ASCC1: variants seen among roughly 807,000 people sequenced by gnomAD.
The protein encoded by ASCC1 is ASC-1 complex subunit P50.
ASCC1 carries 35 observed loss-of-function variants against 46.6 expected under a neutral mutation model. The ratio of observed to expected loss-of-function variants is 0.75; its 90% CI spans 0.57 to 0.99. The LOEUF is 0.99. Ranked by LOEUF, ASCC1 falls within the 50% of genes least tolerant of loss-of-function variation. The pLI is 0.00. For synonymous variants in ASCC1, 143 were observed against 146.6 expected (o/e 0.98, Z 0.18); for missense variants, 376 against 428.7 (o/e 0.88, Z 1.09).
chr10:72,156,278 T>C (rs538588874), intron 6 of ASCC1, among the ~76,000 whole-genome samples: 1 of 152,218 alleles, frequency 6.6e-6, no homozygotes, highest in African/African-American at 2.4e-5. Context: ...CCTTCTGCCA[T>C]AATTGAAGCT....
At position 72,204,476 on chromosome 10, in the gene ASCC1, C is replaced by T. The variant is rs1395968417; in HGVS notation, c.213-952G>A. ...ATCCAAAGTTATCTTCTGGAACCCACAGTCGTTTGATGTGTTCAAGTGAAT... is the reference window on the plus strand; with the variant it reads ...ATCCAAAGTTATCTTCTGGAACCCATAGTCGTTTGATGTGTTCAAGTGAAT... On this transcript the variant is annotated intron_variant, in intron 3 of 9. Coordinates refer to ENST00000672957, the MANE Select transcript of ASCC1 (RefSeq NM_001198800.3). 6.5e-6 allele frequency: 10 copies of T among 1,550,378 alleles called. No individual in the cohort carries two copies. In the Admixed American group the frequency reaches 7.8e-5, roughly 12 times the overall value.
intron 9 of ASCC1, chr10:72,102,495 T>C: frequency 8.9e-7 from 1 of 1,124,806 alleles, no homozygotes; most frequent in Non-Finnish European, 1.3e-6. Flanking sequence ...GTTCTTTTTA[T>C]ACTAGGGAAA....
Position 72,172,801 on chromosome 10 carries a change from AT to A in ASCC1, c.490-11128del, listed in dbSNP as rs1396989082. On this transcript the variant is annotated intron_variant, in intron 5 of 9. Coordinates refer to ENST00000672957, the MANE Select transcript of ASCC1 (RefSeq NM_001198800.3). ...TTTTATATTATATATTATATATTATATTTTTATATTATATATAATATATATT... is the reference window on the plus strand; with the variant it reads ...TTTTATATTATATATTATATATTATATTTTATATTATATATAATATATATT... Among the ~76,000 whole-genome samples, 16 of 132,552 alleles carry A rather than the reference AT, an allele frequency of 1.2e-4. 1 individual carries two copies. The East Asian group carries it at 2.0e-3, about 17-fold the overall frequency. The allele number at this position is 132,552 out of a possible 152,430, so 87.0% of individuals were successfully genotyped here. A position where few individuals can be genotyped will look rare whatever the true frequency, so the allele number is the denominator to read the frequency against.
intron 7 of ASCC1, among the ~76,000 whole-genome samples, chr10:72,149,470 G>C (rs1180057755): frequency 5.1e-5 from 7 of 137,500 alleles, no homozygotes; most frequent in Non-Finnish European, 7.7e-5. Context: ...AAAAAGTGTT[G>C]TTGTGTTATT....
intron 9 of ASCC1, among the ~76,000 whole-genome samples, chr10:72,118,062 C>CA (rs1196572267): frequency 6.6e-6 from 1 of 152,052 alleles, no homozygotes; most frequent in Non-Finnish European, 1.5e-5. Flanking sequence ...AAAGAAGAGC[C>CA]AAGTGACTAA....
rs147623550 is a variant in ASCC1, at chr10:72,163,750, T to G, written c.490-2076A>C. 6.1e-3 allele frequency among the ~76,000 whole-genome samples: 931 copies of G among 151,528 alleles called. 6 individuals are homozygous for G. Among genetic ancestry groups the G allele is most frequent in the African/African-American group, 0.021 (859 of 41,296 alleles). On this transcript the variant is annotated intron_variant, in intron 5 of 9. Coordinates refer to ENST00000672957, the MANE Select transcript of ASCC1 (RefSeq NM_001198800.3). The stretch of plus-strand genomic sequence containing the variant: ...ACTCACTCTGTCTCCAAAAAAAAAT[T>G]TTGGCTCTGGGAAGCACAAAAAGTA...
intron 9 of ASCC1, among the ~76,000 whole-genome samples, chr10:72,120,992 A>G (rs1844131086): frequency 6.6e-6 from 1 of 152,232 alleles, no homozygotes; most frequent in African/African-American, 2.4e-5. Context: ...AAACAGTAAC[A>G]TATATAATAA....
chr10:72,181,810 C>T lies in ASCC1; in HGVS notation c.489+15001G>A, dbSNP rs570722628. Among the ~76,000 whole-genome samples the T allele has an allele frequency of 3.3e-5, 5 of 152,060 alleles. 1 individual carries two copies. Among genetic ancestry groups the T allele is most frequent in the East Asian group, 1.9e-4 (1 of 5,156 alleles). ...AAGCGATTCTTGTGCCTCAGCCTCC[C>T]GAGTACCTGGGATTATAAACGTGTG... On this transcript the variant is annotated intron_variant, in intron 5 of 9. Coordinates refer to ENST00000672957, the MANE Select transcript of ASCC1 (RefSeq NM_001198800.3).
intron 5 of ASCC1, among the ~76,000 whole-genome samples, chr10:72,191,238 TGTA>T (rs1432844359): frequency 1.8e-4 from 26 of 145,652 alleles, no homozygotes; most frequent in African/African-American, 6.1e-4. Flanking sequence ...TTTTTTTTTT[TGTA>T]TTTTTAGTAG....
At chr10:72,131,147 G>A (rs375165076) in intron 8 of ASCC1, among the ~76,000 whole-genome samples, 4 of 152,126 alleles carry the variant, frequency 2.6e-5, no homozygotes, top group Non-Finnish European at 5.9e-5. Flanking sequence ...TGGGCCGGGC[G>A]CAGTGGCTCA....
chr10:72,210,304 T>C (rs1464824688), intron 3 of ASCC1, among the ~76,000 whole-genome samples: 1 of 151,956 alleles, frequency 6.6e-6, no homozygotes, highest in Admixed American at 6.6e-5. Flanking sequence ...GGATTACAGA[T>C]GCCTGCCACC....
chr10:72,198,529 T>C (rs1855988119), intron 4 of ASCC1: 1 of 455,516 alleles, frequency 2.2e-6, no homozygotes, highest in Non-Finnish European at 4.4e-6. Context: ...CTAGGCAATT[T>C]ACTGAAACTC....
At chr10:72,133,274 G>A in intron 7 of ASCC1, 93 bp from the exon 8 acceptor site, 1 of 1,308,766 alleles carries the variant, frequency 7.6e-7, no homozygotes, top group Non-Finnish European at 1.1e-6. Flanking sequence ...CATGTGCTCT[G>A]TGCTAATCAC....
intron 5 of ASCC1, among the ~76,000 whole-genome samples, chr10:72,162,529 G>C (rs1373625823): frequency 6.6e-6 from 1 of 151,958 alleles, no homozygotes; most frequent in Non-Finnish European, 1.5e-5. Flanking sequence ...GACTGCAGTG[G>C]TGCAGTCACA....
At chr10:72,135,087 G>A (rs144616350) in intron 7 of ASCC1, among the ~76,000 whole-genome samples, 1 of 152,316 alleles carries the variant, frequency 6.6e-6, no homozygotes, top group African/African-American at 2.4e-5. Context: ...TGTTTTCAAT[G>A]AGGAGAAAAA....
chr10:72,146,379 G>A (rs534299344), intron 7 of ASCC1, among the ~76,000 whole-genome samples: 3 of 152,300 alleles, frequency 2.0e-5, no homozygotes, highest in South Asian at 2.1e-4. Context: ...ATGGGGTCAC[G>A]AGAATAAGTA....
chr10:72,131,143 G>A (rs550523085), intron 8 of ASCC1, among the ~76,000 whole-genome samples: 10 of 152,188 alleles, frequency 6.6e-5, no homozygotes, highest in East Asian at 1.9e-4. Context: ...CAACTGGGCC[G>A]GGCGCAGTGG....
chr10:72,128,694 T>C (rs1845188670), intron 8 of ASCC1, among the ~76,000 whole-genome samples: 1 of 152,218 alleles, frequency 6.6e-6, no homozygotes, highest in Non-Finnish European at 1.5e-5. Flanking sequence ...TTACAGATAT[T>C]CTACACAGGA....
intron 5 of ASCC1, among the ~76,000 whole-genome samples, chr10:72,183,401 A>C (rs995220475): frequency 2.0e-5 from 3 of 152,136 alleles, no homozygotes; most frequent in Non-Finnish European, 4.4e-5. Context: ...CACACCTGCC[A>C]TCCCAGCACT....
Sources: allele counts gnomAD v4.1 joint callset (sites outside exome capture counted in the v4.1 genomes callset), GRCh38; gene constraint gnomAD v4.1.1; transcripts MANE v1.5; gene names NCBI Gene and HGNC (gene_info 2026-07-23, HGNC 2026-07-21).